The following SPIRE1 variants were observed in gnomAD, a reference collection of about 807,000 sequenced individuals.
The protein encoded by SPIRE1 is protein spire homolog 1.
SPIRE1 carries 40 observed loss-of-function variants against 94.1 expected under a neutral mutation model. The ratio of observed to expected loss-of-function variants is 0.43; its 90% CI spans 0.33 to 0.55. SPIRE1 has a LOEUF of 0.55. Ranked by LOEUF, SPIRE1 falls within the 20% of genes least tolerant of loss-of-function variation. The pLI is 0.06. For synonymous variants in SPIRE1, 376 were observed against 371.7 expected, an observed-to-expected ratio of 1.01 and a Z score of -0.13; for missense variants, 838 against 975.2, an observed-to-expected ratio of 0.86 and a Z score of 1.87.
intron 2 of SPIRE1, among the ~76,000 whole-genome samples, chr18:12,622,615 G>A (rs2037508085): frequency 1.3e-5 from 2 of 150,318 alleles, no homozygotes; most frequent in Admixed American, 6.6e-5. Flanking sequence ...GTAGAGACAG[G>A]GTTTCACTGT....
rs115706593 is a variant in SPIRE1, at chr18:12,585,016, G to A, written c.373-38112C>T. On this transcript the variant is annotated intron_variant, in intron 2 of 16. Transcript: ENST00000409402. ...AGATGGGGTTTCACCATGCTGTTCA[G>A]GCTGCTCTCGAACTCTTGACCTCGT... Among the ~76,000 whole-genome samples the A allele has an allele frequency of 9.6e-3, 1,460 of 152,216 alleles. 26 individuals carry two copies. The highest frequency in any genetic ancestry group is 0.034 in the African/African-American group (1,403 of 41,508).
intron 4 of SPIRE1, among the ~76,000 whole-genome samples, chr18:12,522,637 A>T (rs933044248): frequency 1.3e-5 from 2 of 152,202 alleles, no homozygotes; most frequent in African/African-American, 4.8e-5. Flanking sequence ...GCTTCAAAGG[A>T]CAGGGTGACT....
chr18:12,545,350 A>G (rs1182202307), intron 3 of SPIRE1, among the ~76,000 whole-genome samples: 1 of 152,230 alleles, frequency 6.6e-6, no homozygotes, highest in African/African-American at 2.4e-5. Flanking sequence ...AATAACTTGT[A>G]TAGTTCTTTC....
chr18:12,625,418 C>T (rs1225339545), intron 2 of SPIRE1, among the ~76,000 whole-genome samples: 1 of 152,190 alleles, frequency 6.6e-6, no homozygotes, highest in Non-Finnish European at 1.5e-5. Context: ...GGAGTTTATT[C>T]TTCCAGTCCT....
intron 2 of SPIRE1, among the ~76,000 whole-genome samples, chr18:12,578,715 T>A (rs1338156973): frequency 1.3e-5 from 2 of 152,180 alleles, no homozygotes; most frequent in Non-Finnish European, 2.9e-5. Flanking sequence ...TAGCCCTGGG[T>A]CAATCTCTTA....
rs869122444 is a variant in SPIRE1 at position 12,549,439 on chromosome 18, G to GTTTTTTTTTTTTTTTTT, written c.373-2552_373-2536dup. On this transcript the variant is annotated intron_variant, in intron 2 of 16. Transcript: ENST00000409402. ...CTTTTTGTTTGTTTTTGTTATTGTT[G>GTTTTTTTTTTTTTTTTT]TTTTTTTTTTTTTTTTTTTTTTTTT... Among the ~76,000 whole-genome samples the GTTTTTTTTTTTTTTTTT allele has an allele frequency of 2.9e-4, 12 of 41,258 alleles. 1 individual carries two copies. The highest frequency in any genetic ancestry group is 4.8e-4 in the African/African-American group (4 of 8,272). The allele number at this position is 41,258 out of a possible 152,430, so 27.1% of individuals were successfully genotyped here.
intron 2 of SPIRE1, among the ~76,000 whole-genome samples, chr18:12,628,727 G>A (rs1355591792): frequency 6.6e-6 from 1 of 152,040 alleles, no homozygotes; most frequent in African/African-American, 2.4e-5. Flanking sequence ...TTATTTTGTT[G>A]AGCAGTGGTT....
Position 12,512,548 on chromosome 18 carries a change from T to C in SPIRE1, c.730-17A>G. The C allele has an allele frequency of 3.9e-6, 6 of 1,521,624 alleles. No individual in the cohort carries two copies. The highest frequency in any genetic ancestry group is 5.4e-6 in the Non-Finnish European group (6 of 1,103,150). 94.3% of individuals were successfully genotyped at this position (1,521,624 alleles called of 1,614,324 possible). On this transcript the variant is annotated splice_polypyrimidine_tract_variant and intron_variant, in intron 4 of 16. Transcript: ENST00000409402. Reference sequence around the variant, plus strand: ...CTTAAGATTCTACAGGTTAAAATAATACAGGCATAAACATTTCATTAAGTT... The same window carrying C: ...CTTAAGATTCTACAGGTTAAAATAACACAGGCATAAACATTTCATTAAGTT...
chr18:12,658,158 G>A (rs2038615480), upstream of SPIRE1: 1 of 947,330 alleles, frequency 1.1e-6, no homozygotes, highest in South Asian at 2.1e-5. Context: ...GCCGCCCAGC[G>A]CCCGCCCCTT....
At chr18:12,654,579 G>A (rs575565534) in intron 1 of SPIRE1, among the ~76,000 whole-genome samples, 13 of 150,316 alleles carry the variant, frequency 8.6e-5, no homozygotes, top group South Asian at 8.4e-4. Flanking sequence ...CCTGGGAGGC[G>A]GAGCTTGCAA....
intron 1 of SPIRE1, among the ~76,000 whole-genome samples, chr18:12,638,734 T>C (rs961410851): frequency 2.0e-5 from 3 of 152,130 alleles, no homozygotes; most frequent in African/African-American, 7.2e-5. Flanking sequence ...TGTAGCACCA[T>C]CCATCCCCCT....
At chr18:12,573,654 T>C (rs2036015698) in intron 2 of SPIRE1, among the ~76,000 whole-genome samples, 1 of 152,218 alleles carries the variant, frequency 6.6e-6, no homozygotes, top group East Asian at 1.9e-4. Context: ...ACAGTAATGA[T>C]GGACATGTGT....
At chr18:12,528,738 C>T (rs540797792) in intron 4 of SPIRE1, among the ~76,000 whole-genome samples, 3 of 152,110 alleles carry the variant, frequency 2.0e-5, no homozygotes, top group Admixed American at 6.5e-5. Context: ...CAAACCAATG[C>T]GTGAGGCAAG....
At chr18:12,606,734 T>C (rs1201552978) in intron 2 of SPIRE1, among the ~76,000 whole-genome samples, 3 of 152,238 alleles carry the variant, frequency 2.0e-5, no homozygotes, top group African/African-American at 7.2e-5. Flanking sequence ...TTTCGCCATG[T>C]TGGCCAGGCT....
At chr18:12,501,715 C>T (rs2143943221) in intron 6 of SPIRE1, among the ~76,000 whole-genome samples, 1 of 152,312 alleles carries the variant, frequency 6.6e-6, no homozygotes, top group East Asian at 1.9e-4. Context: ...AATCCTAGCA[C>T]TTTGGAAGGC....
At chr18:12,658,282 G>A (rs1183181277), upstream of SPIRE1, 2 of 451,102 alleles carry the variant, frequency 4.4e-6, no homozygotes, top group Non-Finnish European at 8.7e-6. Flanking sequence ...TCTCAGAGTC[G>A]CAGGCGGTGA....
At chr18:12,506,731 G>C in intron 5 of SPIRE1, 90 bp from the exon 6 acceptor site, 3 of 1,274,630 alleles carry the variant, frequency 2.4e-6, no homozygotes, top group South Asian at 1.4e-5. Context: ...GAAGAGCTTG[G>C]ATTACAAAAC....
chr18:12,486,146 C>T (rs2033031301), intron 8 of SPIRE1, 146 bp from the exon 9 acceptor site: 1 of 619,422 alleles, frequency 1.6e-6, no homozygotes, highest in Non-Finnish European at 2.8e-6. Flanking sequence ...GAATGAAAAT[C>T]TGAAATACAT....
intron 12 of SPIRE1, among the ~76,000 whole-genome samples, chr18:12,454,785 T>C (rs565453972): frequency 3.9e-5 from 6 of 152,240 alleles, no homozygotes; most frequent in East Asian, 3.8e-4. Flanking sequence ...CAGGGCTATA[T>C]TGAAATATTT....
Sources: gnomAD v4.1 joint callset for allele counts (sites outside exome capture counted in the v4.1 genomes callset) on GRCh38, gnomAD v4.1.1 for gene constraint, MANE v1.5 for transcripts, NCBI Gene and HGNC (gene_info 2026-07-23, HGNC 2026-07-21) for gene names.